Variants in NSMCE1 observed in about 807,000 individuals in gnomAD.
NSMCE1 encodes NSE1 component of SMC5/6 complex.
NSMCE1 carries 18 observed loss-of-function variants against 29.6 expected under a neutral mutation model. That is an observed-to-expected ratio of 0.61 (90% CI 0.42 to 0.90). NSMCE1 has a LOEUF of 0.90. Ranked by LOEUF, NSMCE1 falls within the 40% of genes least tolerant of loss-of-function variation. NSMCE1 has a pLI of 0.00. For synonymous variants in NSMCE1, 124 were observed against 133.4 expected, an observed-to-expected ratio of 0.93 and a Z score of 0.49; for missense variants, 314 against 343.6, an observed-to-expected ratio of 0.91 and a Z score of 0.68.
Position 27,232,105 on chromosome 16 carries a change from C to G in NSMCE1, c.483+896G>C, listed in dbSNP as rs561489011. Among the ~76,000 whole-genome samples, 1 of 152,112 alleles carries G rather than the reference C, an allele frequency of 6.6e-6. No homozygotes were observed. The highest frequency in any genetic ancestry group is 1.5e-5 in the Non-Finnish European group (1 of 68,020). On this transcript the variant is annotated intron_variant, in intron 5 of 7. Coordinates refer to ENST00000361439, the MANE Select transcript of NSMCE1 (RefSeq NM_145080.4). The surrounding 1 kb of genome is among the most constrained non-coding windows in gnomAD (Gnocchi z 4.5). Reference sequence around the variant, plus strand: ...AACACAGACTTCCCCAACCCAGACGCGAGCCTTCCTGAAAAGGAAGCGGAG... The same window carrying G: ...AACACAGACTTCCCCAACCCAGACGGGAGCCTTCCTGAAAAGGAAGCGGAG...
At chr16:27,254,168 T>C (rs1408552250) in intron 2 of NSMCE1, among the ~76,000 whole-genome samples, 2 of 152,226 alleles carry the variant, frequency 1.3e-5, no homozygotes, top group Non-Finnish European at 2.9e-5. Flanking sequence ...TTGCGAGTAT[T>C]CACTTAAGTT....
Position 27,268,691 on chromosome 16 carries a change from C to G in NSMCE1, c.-12+15G>C, listed in dbSNP as rs968284654. 1 of 152,806 alleles carries G rather than the reference C, an allele frequency of 6.5e-6. No individual in the cohort carries two copies. The highest frequency in any genetic ancestry group is 2.4e-5 in the African/African-American group (1 of 41,478). The allele number at this position is 152,806 out of a possible 1,614,324, so 9.5% of individuals were successfully genotyped here. On this transcript the variant is annotated intron_variant, in intron 1 of 7. Coordinates refer to ENST00000361439, the MANE Select transcript of NSMCE1 (RefSeq NM_145080.4). ...CTTCTTTCCCCTCCAACCCCTAGCT[C>G]CCCACGTTACCCACCAGGGAGCCCA...
intron 2 of NSMCE1, among the ~76,000 whole-genome samples, chr16:27,246,799 A>G (rs1287943414): frequency 6.6e-6 from 1 of 152,138 alleles, no homozygotes; most frequent in Non-Finnish European, 1.5e-5. Context: ...CAAGAATGAG[A>G]TATTTACCTT....
chr16:27,232,865 G>A lies in NSMCE1; in HGVS notation c.483+136C>T. On this transcript the variant is annotated intron_variant, in intron 5 of 7. Transcript: ENST00000361439. The surrounding 1 kb of genome is among the most constrained non-coding windows in gnomAD (Gnocchi z 4.5). ...AGTCCTCCCCACGGGGTCACTGCTG[G>A]AATGCATGAAAGCAGATAAGGGATC... 1.2e-6 allele frequency: 1 copy of A among 846,266 alleles called. No individual in the cohort carries two copies. The highest frequency in any genetic ancestry group is 1.8e-6 in the Non-Finnish European group (1 of 541,378). The allele number at this position is 846,266 out of a possible 1,614,324, so 52.4% of individuals were successfully genotyped here.
chr16:27,251,106 G>A (rs867461056), intron 2 of NSMCE1, among the ~76,000 whole-genome samples: 2 of 144,054 alleles, frequency 1.4e-5, no homozygotes, highest in South Asian at 4.3e-4. Context: ...CTCCCAAAGT[G>A]CTGGGATTAC....
chr16:27,258,895 C>T (rs191226477), intron 1 of NSMCE1, among the ~76,000 whole-genome samples: 6 of 152,112 alleles, frequency 3.9e-5, no homozygotes, highest in East Asian at 3.9e-4. Context: ...GAACTACAGG[C>T]GCCCACCACC....
At chr16:27,263,742 T>C (rs1173503201) in intron 1 of NSMCE1, among the ~76,000 whole-genome samples, 3 of 152,354 alleles carry the variant, frequency 2.0e-5, no homozygotes, top group Admixed American at 6.5e-5. Flanking sequence ...GAATATACAA[T>C]TGATAAAATT....
intron 2 of NSMCE1, among the ~76,000 whole-genome samples, chr16:27,243,785 G>A (rs114919067): frequency 6.6e-6 from 1 of 152,074 alleles, no homozygotes; most frequent in Non-Finnish European, 1.5e-5. Context: ...CCAGTAGCTG[G>A]GACTACAAGC....
Position 27,236,292 on chromosome 16 carries a change from C to CT in NSMCE1, c.137-994dup, listed in dbSNP as rs35108912. ...GTTGTGTCCCTTTTATGCTGTGAAACTTTTTTTTTTTTTTTTTTTTTTTTG... is the reference window on the plus strand; with the variant it reads ...GTTGTGTCCCTTTTATGCTGTGAAACTTTTTTTTTTTTTTTTTTTTTTTTTG... On this transcript the variant is annotated intron_variant, in intron 2 of 7. Coordinates refer to ENST00000361439, the MANE Select transcript of NSMCE1 (RefSeq NM_145080.4). Among the ~76,000 whole-genome samples the CT allele has an allele frequency of 9.9e-3, 915 of 92,068 alleles. 5 individuals carry two copies. The highest frequency in any genetic ancestry group is 0.016 in the African/African-American group (319 of 20,332). The allele number at this position is 92,068 out of a possible 152,430, so 60.4% of individuals were successfully genotyped here.
At chr16:27,249,108 G>A (rs1001497489) in intron 2 of NSMCE1, among the ~76,000 whole-genome samples, 1 of 152,222 alleles carries the variant, frequency 6.6e-6, no homozygotes, top group Admixed American at 6.5e-5. Context: ...GGGATTACAG[G>A]TGTGAGCCAC....
At chr16:27,241,570 C>T in intron 2 of NSMCE1, 1 of 184,134 alleles carries the variant, frequency 5.4e-6, no homozygotes, top group Non-Finnish European at 1.2e-5. Flanking sequence ...CAGCCTGTAG[C>T]TCTCATCTTT....
intron 1 of NSMCE1, among the ~76,000 whole-genome samples, chr16:27,265,373 G>A (rs1215044589): frequency 1.3e-5 from 2 of 151,726 alleles, no homozygotes; most frequent in Non-Finnish European, 2.9e-5. Flanking sequence ...CTCACCTGTT[G>A]CCCCAGCTGG....
chr16:27,250,843 G>GA (rs992080777), intron 2 of NSMCE1, among the ~76,000 whole-genome samples: 1 of 122,848 alleles, frequency 8.1e-6, no homozygotes, highest in Admixed American at 8.2e-5. Context: ...AATTTTAACT[G>GA]TTTTTTTTTT....
rs1567274527 is a variant in NSMCE1 at position 27,235,189 on chromosome 16, T to C, written c.247A>G (p.Ile83Val). The C allele has an allele frequency of 1.9e-6, 3 of 1,613,940 alleles. No homozygotes were observed. The Admixed American group carries it at 5.0e-5, about 27-fold the overall frequency. ...TGCCGGGCACTCACCAACGCATAAA[T>C]GGGTCTCCCATCATCTTCCGTGACT... Reference protein sequence around the residue: ...RGVTEDDGRPIYALVNLATTS... With the variant: ...RGVTEDDGRPVYALVNLATTS... The change falls in exon 3 of 8, where the codon ATT (isoleucine) becomes GTT (valine). Residue 83 changes from isoleucine (I) to valine (V), a missense_variant. Physicochemically the swap from Ile to Val is conservative, Grantham distance 29. Coordinates refer to ENST00000361439, the MANE Select transcript of NSMCE1 (RefSeq NM_145080.4).
At chr16:27,231,683 G>A (rs1298204645) in intron 5 of NSMCE1, among the ~76,000 whole-genome samples, 10 of 151,458 alleles carry the variant, frequency 6.6e-5, no homozygotes, top group African/African-American at 2.4e-4. Context: ...CACCACAAGC[G>A]AGAATGGTCA....
intron 2 of NSMCE1, among the ~76,000 whole-genome samples, chr16:27,254,097 T>C (rs1178696633): frequency 6.6e-6 from 1 of 152,248 alleles, no homozygotes; most frequent in African/African-American, 2.4e-5. Context: ...TTTTTCTATT[T>C]GGTACAAGGG....
chr16:27,251,212 C>T (rs1189106652), intron 2 of NSMCE1, among the ~76,000 whole-genome samples: 2 of 91,270 alleles, frequency 2.2e-5, no homozygotes, highest in East Asian at 7.8e-4. Flanking sequence ...ATATATAAAA[C>T]TCTGTAGAGT....
chr16:27,247,770 C>T (rs12598864), intron 2 of NSMCE1, among the ~76,000 whole-genome samples: 9,299 of 151,780 alleles, frequency 0.061, 739 homozygotes, highest in African/African-American at 0.18. Context: ...ACCAGAAATA[C>T]AAAAAAATTA....
At chr16:27,241,974 G>T (rs766042251) in intron 2 of NSMCE1, 7 of 345,742 alleles carry the variant, frequency 2.0e-5, no homozygotes, top group Non-Finnish European at 3.6e-5. Context: ...AAGGATGTGG[G>T]CATTCATCAG....
Sources: gnomAD v4.1 joint callset for allele counts (sites outside exome capture counted in the v4.1 genomes callset) on GRCh38, gnomAD v4.1.1 for gene constraint, Gnocchi (gnomAD v3.1) non-coding constraint, MANE v1.5 for transcripts, NCBI Gene and HGNC (gene_info 2026-07-23, HGNC 2026-07-21) for gene names.